The following NR6A1 variants were observed in gnomAD, a reference collection of about 807,000 sequenced individuals.
The protein encoded by NR6A1 is retinoic acid receptor-related testis-associated receptor.
In NR6A1, 7 loss-of-function variants were observed where a neutral mutation model predicts 59.1. The observed-to-expected ratio is 0.12, with a 90% CI of 0.07 to 0.22. The LOEUF is 0.22. Among genes scored for constraint, NR6A1 ranks in the 10% least tolerant of loss-of-function variants. The pLI is 1.00. For synonymous variants in NR6A1, 243 were observed against 236.1 expected, an observed-to-expected ratio of 1.03 and a Z score of -0.27; for missense variants, 468 against 611.6, an observed-to-expected ratio of 0.77 and a Z score of 2.48.
At chr9:124,539,321 C>T (rs1304345946) in intron 5 of NR6A1, among the ~76,000 whole-genome samples, 1 of 152,244 alleles carries the variant, frequency 6.6e-6, no homozygotes, top group Admixed American at 6.5e-5. Context: ...TGGAACACAG[C>T]CATGCTCACT....
chr9:124,539,907 G>A (rs1833389419), intron 5 of NR6A1, 126 bp downstream of exon 5: 2 of 1,103,128 alleles, frequency 1.8e-6, no homozygotes, highest in Non-Finnish European at 2.5e-6. Flanking sequence ...TACTCCAAGA[G>A]TCTGAGGGAG....
Position 124,698,973 on chromosome 9 carries a change from T to C in NR6A1, c.142+34335A>G, listed in dbSNP as rs1055773316. 2.6e-5 allele frequency among the ~76,000 whole-genome samples: 4 copies of C among 152,142 alleles called. No individual in the cohort carries two copies. In the East Asian group the frequency reaches 7.7e-4, roughly 29 times the overall value. ...AGTAAGTAGTTGGGGCAAAAAACGG[T>C]AGGTATAGAAGAAATCGCTTGAAAT... On this transcript the variant is annotated intron_variant, in intron 2 of 9. Coordinates refer to ENST00000487099, the MANE Select transcript of NR6A1 (RefSeq NM_033334.4).
chr9:124,752,959 G>T (rs768648319), intron 1 of NR6A1, among the ~76,000 whole-genome samples: 2 of 152,174 alleles, frequency 1.3e-5, no homozygotes, highest in Non-Finnish European at 2.9e-5. Context: ...AGAAAGAAAA[G>T]TAAGGAGGGG....
chr9:124,526,955 A>G (rs1832955648), intron 7 of NR6A1, 55 bp from the exon 8 acceptor site: 5 of 1,606,402 alleles, frequency 3.1e-6, no homozygotes, highest in Non-Finnish European at 4.3e-6. Context: ...AGGGGCCAGG[A>G]AAGGGCAGCC....
rs1031152344 is a variant in NR6A1 at position 124,553,472 on chromosome 9, G to A, written c.385+856C>T. Reference sequence around the variant, plus strand: ...GGTATCTCAAACTCAGTATTGCCAAGGCCAACATTTTGCCCCACCCTTTTT... The same window carrying A: ...GGTATCTCAAACTCAGTATTGCCAAAGCCAACATTTTGCCCCACCCTTTTT... On this transcript the variant is annotated intron_variant, in intron 3 of 9. Coordinates refer to ENST00000487099, the MANE Select transcript of NR6A1 (RefSeq NM_033334.4). 2.0e-5 allele frequency among the ~76,000 whole-genome samples: 3 copies of A among 150,842 alleles called. No homozygotes were observed. In the East Asian group the frequency reaches 5.8e-4, roughly 29 times the overall value.
At chr9:124,721,184 T>C (rs116796229) in intron 2 of NR6A1, among the ~76,000 whole-genome samples, 1,696 of 152,300 alleles carry the variant, frequency 0.011, 31 homozygotes, top group African/African-American at 0.039. Flanking sequence ...CATCCAAGAC[T>C]ATCCAAGGAC....
chr9:124,725,316 G>A (rs1164201112), intron 2 of NR6A1, among the ~76,000 whole-genome samples: 2 of 151,868 alleles, frequency 1.3e-5, no homozygotes, highest in Non-Finnish European at 2.9e-5. Context: ...GGAATCATAG[G>A]AAGGCAGCCA....
At chr9:124,573,256 T>C (rs569121163) in intron 2 of NR6A1, among the ~76,000 whole-genome samples, 109 of 152,288 alleles carry the variant, frequency 7.2e-4, no homozygotes, top group African/African-American at 2.3e-3. Flanking sequence ...TAATTTCTCC[T>C]ACATGGGTAA....
At chr9:124,616,016 C>T (rs969421570) in intron 2 of NR6A1, among the ~76,000 whole-genome samples, 1 of 151,976 alleles carries the variant, frequency 6.6e-6, no homozygotes, top group Non-Finnish European at 1.5e-5. Flanking sequence ...TGAGTCACCA[C>T]GCCCAGCTCA....
chr9:124,748,486 A>G (rs1202903953), intron 1 of NR6A1, among the ~76,000 whole-genome samples: 2 of 152,202 alleles, frequency 1.3e-5, no homozygotes, highest in Non-Finnish European at 2.9e-5. Context: ...TTTAAAGGGA[A>G]TAACATTTGT....
At chr9:124,558,963 T>G (rs950847347) in intron 2 of NR6A1, among the ~76,000 whole-genome samples, 1 of 152,154 alleles carries the variant, frequency 6.6e-6, no homozygotes, top group African/African-American at 2.4e-5. Context: ...TGCAAAGGAT[T>G]TGAAGTGTAT....
chr9:124,552,844 A>G (rs1221029058), intron 3 of NR6A1, among the ~76,000 whole-genome samples: 1 of 152,120 alleles, frequency 6.6e-6, no homozygotes. Context: ...GCACTTCCAC[A>G]TCTCTCTTAC....
chr9:124,670,216 CA>C (rs1245931470), intron 2 of NR6A1, among the ~76,000 whole-genome samples: 11,729 of 82,088 alleles, frequency 0.14, 1,282 homozygotes, highest in African/African-American at 0.37. Flanking sequence ...CTCATCTCTG[CA>C]AAAAAAAAAA....
At position 124,564,681 on chromosome 9, in the gene NR6A1, C is replaced by CTGTGTGTGTGTGTGTG. The variant is rs56301413; in HGVS notation, c.143-10127_143-10112dup. On this transcript the variant is annotated intron_variant, in intron 2 of 9. Transcript: ENST00000487099. ...TAAGGTCCCATTCAAAATCCACACT[C>CTGTGTGTGTGTGTGTG]TGTGTGTGTGTGTGTGTGTGTGTGT... Among the ~76,000 whole-genome samples, 432 of 149,394 alleles carry CTGTGTGTGTGTGTGTG rather than the reference C, an allele frequency of 2.9e-3. 1 individual carries two copies. The highest frequency in any genetic ancestry group is 1.0e-2 in the African/African-American group (407 of 40,776).
intron 2 of NR6A1, among the ~76,000 whole-genome samples, chr9:124,670,897 A>G (rs1287879271): frequency 6.6e-6 from 1 of 152,230 alleles, no homozygotes. Context: ...GGGCCGTTGC[A>G]GTTATTCAGA....
chr9:124,561,728 A>G (rs1441392666), intron 2 of NR6A1, among the ~76,000 whole-genome samples: 1 of 152,114 alleles, frequency 6.6e-6, no homozygotes, highest in Non-Finnish European at 1.5e-5. Context: ...CTTGGCCATC[A>G]TGGTGAAACC....
At chr9:124,611,751 G>GAA in intron 2 of NR6A1, among the ~76,000 whole-genome samples, 1 of 94,048 alleles carries the variant, frequency 1.1e-5, no homozygotes, top group Admixed American at 1.2e-4. Context: ...CCCTGTCTTA[G>GAA]AGAGAGAGAG....
At chr9:124,622,152 G>A (rs564154413) in intron 2 of NR6A1, among the ~76,000 whole-genome samples, 1 of 152,304 alleles carries the variant, frequency 6.6e-6, no homozygotes, top group South Asian at 2.1e-4. Flanking sequence ...GGAGGCAGAG[G>A]TTGCACTGAG....
intron 2 of NR6A1, among the ~76,000 whole-genome samples, chr9:124,628,200 G>C (rs946259790): frequency 5.3e-5 from 8 of 151,810 alleles, no homozygotes; most frequent in Non-Finnish European, 8.8e-5. Context: ...GGTAATTTTT[G>C]TATTATTAGT....
Sources: allele counts gnomAD v4.1 joint callset (sites outside exome capture counted in the v4.1 genomes callset), GRCh38; gene constraint gnomAD v4.1.1; transcripts MANE v1.5; gene names NCBI Gene and HGNC (gene_info 2026-07-23, HGNC 2026-07-21).